Variants in BAHCC1 observed in about 807,000 individuals in gnomAD.
BAHCC1 encodes BAH domain and coiled-coil containing 1.
In BAHCC1, 43 loss-of-function variants were observed where a neutral mutation model predicts 88.2. The ratio of observed to expected loss-of-function variants is 0.49; its 90% confidence interval spans 0.38 to 0.63. The LOEUF is 0.63. Among genes scored for constraint, BAHCC1 ranks in the 20% least tolerant of loss-of-function variants. The probability of loss-of-function intolerance (pLI) is 0.00; values close to 1 mark genes in which losing one functional copy is unlikely to be tolerated. For synonymous variants in BAHCC1, 1,510 were observed against 745.5 expected, an observed-to-expected ratio of 2.03 and a Z score of -16.71; for missense variants, 3,023 against 1,654.8, an observed-to-expected ratio of 1.83 and a Z score of -14.34.
chr17:81,445,621 G>C lies in BAHCC1; in HGVS notation c.3103G>C (p.Ala1035Pro). Residue 1035 changes from alanine to proline, a missense_variant, in exon 10 of 28, where the codon GCC (alanine) becomes CCC (proline). Ala to Pro is a conservative substitution (Grantham distance 27). Coordinates refer to ENST00000675386, the MANE Select transcript of BAHCC1 (RefSeq NM_001377448.1). ...CGGGCCTGGCTCCCGGGTGCGCAGC[G>C]CCGAGGAAAAGAATGGGGAGGGTCA... ...SPGPGSRVRS[A>P]EEKNGEGQQS... 1.4e-6 allele frequency: 1 copy of C among 732,426 alleles called. No homozygotes were observed. Among genetic ancestry groups the C allele is most frequent in the Non-Finnish European group, 2.5e-6 (1 of 394,358 alleles). The allele number at this position is 732,426 out of a possible 1,614,324, so 45.4% of individuals were successfully genotyped here.
rs535437188 is a variant in BAHCC1, at chr17:81,457,507, C to T, written c.4956C>T (p.Ala1652=). The T allele has an allele frequency of 4.7e-5, 36 of 759,310 alleles. No homozygotes were observed. Among genetic ancestry groups the T allele is most frequent in the African/African-American group, 3.1e-4 (18 of 58,868 alleles). The allele number at this position is 759,310 out of a possible 1,614,324, so 47.0% of individuals were successfully genotyped here. A position where few individuals can be genotyped will look rare whatever the true frequency, so the allele number is the denominator to read the frequency against. The change falls in exon 17 of 28, where the codon GCC becomes GCT. Residue 1652 remains alanine, a synonymous_variant. Coordinates refer to ENST00000675386, the MANE Select transcript of BAHCC1 (RefSeq NM_001377448.1). ...TGCTGCACACCGGGGCCAGTGTGGCCGTGCTGGGGCCCTCACCCTCCTCTG... is the reference window on the plus strand; with the variant it reads ...TGCTGCACACCGGGGCCAGTGTGGCTGTGCTGGGGCCCTCACCCTCCTCTG... ...GLLLHTGASV[A]VLGPSPSSVV...
At chr17:81,407,322 C>T (rs782663837) in intron 2 of BAHCC1, 2 of 519,898 alleles carry the variant, frequency 3.8e-6, no homozygotes, top group East Asian at 5.4e-5. Flanking sequence ...AAAGAGAAGC[C>T]TTAGCCATAT....
Position 81,399,644 on chromosome 17 carries a change from C to T in BAHCC1, c.-96C>T. 1 of 833,852 alleles carries T rather than the reference C, an allele frequency of 1.2e-6. No individual in the cohort carries two copies. Among genetic ancestry groups the T allele is most frequent in the Non-Finnish European group, 1.5e-6 (1 of 652,974 alleles). 51.7% of individuals were successfully genotyped at this position (833,852 alleles called of 1,614,324 possible). ...CGCCACCACCGCCTGTGACCCCGGA[C>T]GCCGCCGCCTCTGCGCCGCCCGCGC... On this transcript the variant is annotated 5_prime_UTR_variant, in exon 2 of 28. In the 5' UTR this introduces an upstream ATG that the reference lacks. Coordinates refer to ENST00000675386, the MANE Select transcript of BAHCC1 (RefSeq NM_001377448.1). This position sits in a 1 kb window ranked among gnomAD's most constrained non-coding sequence, Gnocchi z 4.5.
rs1555660139 is a variant in BAHCC1, at chr17:81,463,820, C to T, written c.*3C>T. On this transcript the variant is annotated 3_prime_UTR_variant, in exon 28 of 28. Transcript: ENST00000675386. ...ATGGCGTGCCCATCCTATGCTGAGC[C>T]GCCCACCGCAGATGCCTCCCACGTG... 8.3e-6 allele frequency: 6 copies of T among 719,520 alleles called. No homozygotes were observed. The highest frequency in any genetic ancestry group is 2.6e-5 in the East Asian group (1 of 37,820). 44.6% of individuals were successfully genotyped at this position (719,520 alleles called of 1,614,324 possible). A position where few individuals can be genotyped will look rare whatever the true frequency, so the allele number is the denominator to read the frequency against.
At chr17:81,412,904 G>A (rs960104305) in intron 2 of BAHCC1, among the ~76,000 whole-genome samples, 11 of 152,222 alleles carry the variant, frequency 7.2e-5, no homozygotes, top group African/African-American at 4.8e-5. Flanking sequence ...TCCGGCTGTC[G>A]TGGGTGTGGG....
At chr17:81,444,890 G>A (rs1455675474) in intron 8 of BAHCC1, 64 bp downstream of exon 8, 1 of 719,046 alleles carries the variant, frequency 1.4e-6, no homozygotes, top group East Asian at 2.6e-5. Flanking sequence ...GGCAGCCGGG[G>A]GTGTGCTGGC....
rs1555653698 is a variant in BAHCC1 at position 81,444,480 on chromosome 17, C to T, written c.2424C>T (p.Gly808=). 1.4e-5 allele frequency: 10 copies of T among 713,310 alleles called. No individual in the cohort carries two copies. Among genetic ancestry groups the T allele is most frequent in the Admixed American group, 5.9e-5 (3 of 50,600 alleles). 44.2% of individuals were successfully genotyped at this position (713,310 alleles called of 1,614,324 possible). The change falls in exon 7 of 28, where the codon GGC becomes GGT. Residue 808 remains glycine, a synonymous_variant. Coordinates refer to ENST00000675386, the MANE Select transcript of BAHCC1 (RefSeq NM_001377448.1). ...TCATGATGCAGAGCGGCCAGCTGGG[C>T]GGGGACCCAGCCCCCCACACCCACC... ...PHLMMQSGQL[G]GDPAPHTHPH...
intron 1 of BAHCC1, among the ~76,000 whole-genome samples, chr17:81,398,305 T>C (rs782203693): frequency 6.6e-6 from 1 of 152,140 alleles, no homozygotes; most frequent in Non-Finnish European, 1.5e-5. Flanking sequence ...AGTCTAAAAT[T>C]GTCCCCAATT....
At chr17:81,454,902 T>C (rs1169416046) in intron 14 of BAHCC1, among the ~76,000 whole-genome samples, 1 of 152,196 alleles carries the variant, frequency 6.6e-6, no homozygotes, top group Non-Finnish European at 1.5e-5. Flanking sequence ...TCTGGGTCAC[T>C]GTGGCTAGGA....
At chr17:81,437,967 C>T (rs2064358585) in intron 3 of BAHCC1, among the ~76,000 whole-genome samples, 1 of 152,178 alleles carries the variant, frequency 6.6e-6, no homozygotes, top group Non-Finnish European at 1.5e-5. Context: ...CTTGGGGAGG[C>T]CAAGTCCGGG....
At chr17:81,429,936 G>T (rs1377381108) in intron 3 of BAHCC1, among the ~76,000 whole-genome samples, 2 of 152,208 alleles carry the variant, frequency 1.3e-5, no homozygotes, top group Non-Finnish European at 1.5e-5. Flanking sequence ...GCAGCTGGGG[G>T]TGCAGCAGAG....
intron 2 of BAHCC1, chr17:81,415,702 C>T (rs1011957838): frequency 2.8e-4 from 102 of 370,170 alleles, no homozygotes; most frequent in African/African-American, 1.9e-3. Context: ...GGAGCTCTCC[C>T]GGCCAACATA....
In BAHCC1 at chr17:81,413,695, G is replaced by A. The variant is rs118092631; in HGVS notation, c.179-13105G>A. ...CCAGGGCCCATGCGGGAGGCAGCCC[G>A]CTCGGACCACCTGTGGCTTCCCTGC... On this transcript the variant is annotated intron_variant, in intron 2 of 27. Transcript: ENST00000675386. 2.6e-5 allele frequency among the ~76,000 whole-genome samples: 4 copies of A among 152,350 alleles called. 1 individual carries two copies. The highest frequency in any genetic ancestry group is 1.9e-4 in the East Asian group (1 of 5,176).
intron 11 of BAHCC1, among the ~76,000 whole-genome samples, chr17:81,450,239 C>T (rs530055598): frequency 4.6e-5 from 7 of 152,214 alleles, no homozygotes; most frequent in Admixed American, 2.0e-4. Context: ...CCACCCCCAC[C>T]GCAAGGTGTC....
intron 2 of BAHCC1, among the ~76,000 whole-genome samples, chr17:81,416,536 C>T (rs1317298711): frequency 2.1e-5 from 3 of 141,726 alleles, no homozygotes; most frequent in South Asian, 2.3e-4. Context: ...TGGGTGTGTG[C>T]GTGTTTGTGT....
intron 3 of BAHCC1, among the ~76,000 whole-genome samples, chr17:81,431,956 G>A (rs971563019): frequency 9.2e-5 from 14 of 152,210 alleles, no homozygotes; most frequent in Admixed American, 3.3e-4. Context: ...GCAGGACAGG[G>A]CAGGACTGTG....
In BAHCC1 at chr17:81,460,256, G is replaced by T; in HGVS notation, c.5906-21G>T. Reference sequence around the variant, plus strand: ...CGCCTACTGGGGGTTCCAGCTGCAAGCTCAGGTGTGCCGTCCACAGGGGCC... The same window carrying T: ...CGCCTACTGGGGGTTCCAGCTGCAATCTCAGGTGTGCCGTCCACAGGGGCC... On this transcript the variant is annotated intron_variant, in intron 23 of 27. Transcript: ENST00000675386. 4 of 748,896 alleles carry T rather than the reference G, an allele frequency of 5.3e-6. No homozygotes were observed. The Admixed American group carries it at 5.5e-5, about 10-fold the overall frequency. The allele number at this position is 748,896 out of a possible 1,614,324, so 46.4% of individuals were successfully genotyped here. A position where few individuals can be genotyped will look rare whatever the true frequency, so the allele number is the denominator to read the frequency against.
rs782777458 is a variant in BAHCC1 at position 81,459,113 on chromosome 17, AAGG to A, written c.5670_5672del (p.Glu1890del). The A allele has an allele frequency of 2.6e-6, 2 of 772,498 alleles. No individual in the cohort carries two copies. The highest frequency in any genetic ancestry group is 3.4e-5 in the African/African-American group (2 of 59,088). 47.9% of individuals were successfully genotyped at this position (772,498 alleles called of 1,614,324 possible). Reference sequence around the variant, plus strand: ...GGACGGGCTGCCCGTGCTCATCCCCAAGGAGGATAGCCTGCTGTACGCGGGCAG... The same window carrying A: ...GGACGGGCTGCCCGTGCTCATCCCCAAGGATAGCCTGCTGTACGCGGGCAG... On this transcript the variant is annotated inframe_deletion, in exon 21 of 28. Transcript: ENST00000675386.
At chr17:81,443,995 AAG>A (rs1232784666) in intron 6 of BAHCC1, 78 bp downstream of exon 6, 13 of 685,632 alleles carry the variant, frequency 1.9e-5, no homozygotes, top group East Asian at 2.7e-5. Context: ...CACGTGGAGA[AAG>A]AGGGGTGGTC....
Sources: allele counts gnomAD v4.1 joint callset (sites outside exome capture counted in the v4.1 genomes callset), GRCh38; gene constraint gnomAD v4.1.1; non-coding constraint Gnocchi (gnomAD v3.1); transcripts MANE v1.5; gene names NCBI Gene and HGNC (gene_info 2026-07-23, HGNC 2026-07-21).